The following CORO1B variants were observed in gnomAD, a reference collection of about 807,000 sequenced individuals.
CORO1B encodes the protein coronin-1B.
In CORO1B, 30 loss-of-function variants were observed where a neutral mutation model predicts 51.1. That is an observed-to-expected ratio of 0.59 (90% CI 0.44 to 0.80). The LOEUF is 0.80. CORO1B is among the 30% of genes least tolerant of loss of function. The probability of loss-of-function intolerance (pLI) is 0.00; values close to 1 mark genes in which losing one functional copy is unlikely to be tolerated. For synonymous variants in CORO1B, 310 were observed against 289.7 expected (o/e 1.07, Z -0.71); for missense variants, 648 against 700.4 (o/e 0.93, Z 0.84).
rs1417234884 is a variant in CORO1B, at chr11:67,435,564, G to T, written c.*2812C>A. The T allele has an allele frequency of 3.9e-6, 4 of 1,016,896 alleles. No homozygotes were observed. Among genetic ancestry groups the T allele is most frequent in the African/African-American group, 1.6e-5 (1 of 61,972 alleles). The allele number at this position is 1,016,896 out of a possible 1,614,324, so 63.0% of individuals were successfully genotyped here. On this transcript the variant is annotated 3_prime_UTR_variant, in exon 11 of 11. Coordinates refer to ENST00000341356, the MANE Select transcript of CORO1B (RefSeq NM_020441.3). ...GTTGCCTGATGCCTGTGGTTGGGGG[G>T]GGCCGTTCCCGTGGTGAGCGGGGTA...
chr11:67,437,626 G>C lies in CORO1B; in HGVS notation c.*750C>G. On this transcript the variant is annotated 3_prime_UTR_variant, in exon 11 of 11. Transcript: ENST00000341356. ...GGGCTCCGAGGCTTACCATTGGTCC[G>C]CAGGCCCCTCCGTGCCGGGCACCCA... 2 of 1,364,990 alleles carry C rather than the reference G, an allele frequency of 1.5e-6. No homozygotes were observed. The highest frequency in any genetic ancestry group is 2.0e-4 in the Middle Eastern group (1 of 5,046). 84.6% of individuals were successfully genotyped at this position (1,364,990 alleles called of 1,614,324 possible). A position where few individuals can be genotyped will look rare whatever the true frequency, so the allele number is the denominator to read the frequency against.
chr11:67,440,638 C>T, intron 6 of CORO1B, 199 bp from the exon 7 acceptor site: 1 of 691,518 alleles, frequency 1.4e-6, no homozygotes, highest in East Asian at 2.7e-5. Context: ...CAGGGTCCCT[C>T]TTTTCCAGCC....
Position 67,439,890 on chromosome 11 carries a change from C to G in CORO1B, c.1008-47G>C, listed in dbSNP as rs557327122. On this transcript the variant is annotated intron_variant, in intron 8 of 10. Coordinates refer to ENST00000341356, the MANE Select transcript of CORO1B (RefSeq NM_020441.3). ...ACGGGTGGAACCCTCACCGCCCCCC[C>G]CACCCACCGCCAGCTCTCCTGGCAT... 5 of 1,527,958 alleles carry G rather than the reference C, an allele frequency of 3.3e-6. No individual in the cohort carries two copies. The African/African-American group carries it at 4.1e-5, about 13-fold the overall frequency. 94.7% of individuals were successfully genotyped at this position (1,527,958 alleles called of 1,614,324 possible).
chr11:67,436,276 C>A lies in CORO1B; in HGVS notation c.*2100G>T. On this transcript the variant is annotated 3_prime_UTR_variant, in exon 11 of 11. Transcript: ENST00000341356. ...TGACAGAGCTGGAGCCCACGCTGTC[C>A]TCCGCGCTGCCACCCGAGCCCAAGG... 6.5e-7 allele frequency: 1 copy of A among 1,539,376 alleles called. No individual in the cohort carries two copies. Among genetic ancestry groups the A allele is most frequent in the African/African-American group, 1.4e-5 (1 of 73,104 alleles).
Position 67,442,438 on chromosome 11 carries a change from G to T in CORO1B, c.191C>A (p.Pro64His), listed in dbSNP as rs774643608. 1 of 1,613,194 alleles carries T rather than the reference G, an allele frequency of 6.2e-7. No homozygotes were observed. ...ASGGGAFLVL[P>H]LSKTGRIDKA... ...CCTGACAGGACCCACCTTGCTTAGG[G>T]GGAGCACCAGAAAGGCACCCCCTCC... The change falls in exon 2 of 11, where the codon CCC becomes CAC. Residue 64 changes from proline to histidine, a missense_variant. Transcript: ENST00000341356.
At position 67,441,987 on chromosome 11, in the gene CORO1B, G is replaced by A; in HGVS notation, c.303C>T (p.Gly101=). 1 of 1,613,252 alleles carries A rather than the reference G, an allele frequency of 6.2e-7. No individual in the cohort carries two copies. Among genetic ancestry groups the A allele is most frequent in the Non-Finnish European group, 8.5e-7 (1 of 1,180,010 alleles). ...CPHNDEVIAS[G]SEDCTVMVWQ... ...TCACCATGACCGTGCAGTCCTCCGA[G>A]CCGCTGGCTATGACTTCGTCGTTGT... The change falls in exon 3 of 11, where the codon GGC becomes GGT. Residue 101 remains glycine (G), a synonymous_variant. Transcript: ENST00000341356.
chr11:67,439,926 C>T, intron 8 of CORO1B, 83 bp from the exon 9 acceptor site: 4 of 1,466,356 alleles, frequency 2.7e-6, no homozygotes, highest in Non-Finnish European at 3.7e-6. Flanking sequence ...CCTCCACTTC[C>T]AGTCCTCACC....
In CORO1B at chr11:67,438,892, C is replaced by T. The variant is rs367615260; in HGVS notation, c.1123G>A (p.Glu375Lys). The change falls in exon 10 of 11, where the codon GAG (glutamate) becomes AAG (lysine). Residue 375 changes from glutamate (E) to lysine (K), a missense_variant. Physicochemically the swap from Glu to Lys is moderately conservative, Grantham distance 56. Coordinates refer to ENST00000341356, the MANE Select transcript of CORO1B (RefSeq NM_020441.3). ...PDTAGPEAAL[E>K]AEEWVSGRDA... ...CGCCCGCTCACCCACTCCTCAGCCT[C>T]CAGGGCTGCCTCGGGCCCGGCTGTG... 1.9e-6 allele frequency: 3 copies of T among 1,609,216 alleles called. No individual in the cohort carries two copies. The highest frequency in any genetic ancestry group is 2.5e-6 in the Non-Finnish European group (3 of 1,179,042).
At position 67,438,754 on chromosome 11, in the gene CORO1B, G is replaced by A; in HGVS notation, c.1261C>T (p.Pro421Ser). 1 of 1,563,482 alleles carries A rather than the reference G, an allele frequency of 6.4e-7. No individual in the cohort carries two copies. The highest frequency in any genetic ancestry group is 8.6e-7 in the Non-Finnish European group (1 of 1,157,942). ...VLSDSRPAMA[P>S]GSSHLGAPAS... ...GGGGCCCCTAGGTGGGAGGAGCCCGGGGCCATGGCGGGCCGGCTGTCAGAC... is the reference window on the plus strand; with the variant it reads ...GGGGCCCCTAGGTGGGAGGAGCCCGAGGCCATGGCGGGCCGGCTGTCAGAC... Residue 421 changes from proline to serine, a missense_variant, in exon 10 of 11, where the codon CCG becomes TCG. Physicochemically the swap from Pro to Ser is moderately conservative, Grantham distance 74. Coordinates refer to ENST00000341356, the MANE Select transcript of CORO1B (RefSeq NM_020441.3).
chr11:67,442,139 G>A, intron 2 of CORO1B, 51 bp from the exon 3 acceptor site: 1 of 1,591,776 alleles, frequency 6.3e-7, no homozygotes, highest in East Asian at 2.3e-5. Context: ...CGAAGCCTTG[G>A]TCTTCCCCTC....
In CORO1B at chr11:67,441,539, G is replaced by A. The variant is rs752146035; in HGVS notation, c.455-25C>T. ...CCTGGCAGGTGAGGGTTGTCAGCTC[G>A]GGCCGGGTGGGTGGCAGGAGGCCAT... On this transcript the variant is annotated intron_variant, in intron 4 of 10. Coordinates refer to ENST00000341356, the MANE Select transcript of CORO1B (RefSeq NM_020441.3). 52 of 1,602,786 alleles carry A rather than the reference G, an allele frequency of 3.2e-5. 1 individual carries two copies. The Middle Eastern group carries it at 6.6e-4, about 20-fold the overall frequency.
chr11:67,438,717 G>C lies in CORO1B; in HGVS notation c.1298C>G (p.Thr433Ser). Residue 433 changes from threonine to serine, a missense_variant, in exon 10 of 11, where the codon ACC becomes AGC. By Grantham distance (58) the Thr-to-Ser change is moderately conservative. Transcript: ENST00000341356. ...GCTGGGGGTGGCATCAGCAGCAGTGGTGGTGGAGGCGGGGGCCCCTAGGTG... is the reference window on the plus strand; with the variant it reads ...GCTGGGGGTGGCATCAGCAGCAGTGCTGGTGGAGGCGGGGGCCCCTAGGTG... ...SSHLGAPAST[T>S]TAADATPSGS... is the part of the protein sequence containing the mutation. 6.4e-7 allele frequency: 1 copy of C among 1,558,788 alleles called. No homozygotes were observed. Among genetic ancestry groups the C allele is most frequent in the South Asian group, 1.2e-5 (1 of 86,102 alleles).
upstream of CORO1B, chr11:67,443,717 G>A: frequency 2.0e-6 from 2 of 984,776 alleles, no homozygotes; most frequent in Non-Finnish European, 2.4e-6. Flanking sequence ...GACGGCGGCC[G>A]CCGCAGAGGC....
intron 9 of CORO1B, 80 bp downstream of exon 9, chr11:67,439,704 TCA>T: frequency 7.2e-7 from 1 of 1,380,180 alleles, no homozygotes; most frequent in Non-Finnish European, 1.0e-6. Flanking sequence ...CATGTTCCAT[TCA>T]CAGGCCTCGC....
intron 4 of CORO1B, 87 bp downstream of exon 4, chr11:67,441,646 A>G (rs1223282503): frequency 1.5e-6 from 2 of 1,343,284 alleles, no homozygotes; most frequent in Non-Finnish European, 2.0e-6. Context: ...CAGCTTTCCC[A>G]TTTGTCATGT....
At position 67,437,786 on chromosome 11, in the gene CORO1B, C is replaced by A; in HGVS notation, c.*590G>T. 1.6e-6 allele frequency: 1 copy of A among 629,924 alleles called. No homozygotes were observed. The highest frequency in any genetic ancestry group is 7.5e-5 in the South Asian group (1 of 13,400). The allele number at this position is 629,924 out of a possible 1,614,324, so 39.0% of individuals were successfully genotyped here. A position where few individuals can be genotyped will look rare whatever the true frequency, so the allele number is the denominator to read the frequency against. On this transcript the variant is annotated 3_prime_UTR_variant, in exon 11 of 11. Coordinates refer to ENST00000341356, the MANE Select transcript of CORO1B (RefSeq NM_020441.3). ...TGCAGGACCCCTGGTCCACACCAGACCCTCCCCAGTCTCTCTGGAGGAGGC... is the reference window on the plus strand; with the variant it reads ...TGCAGGACCCCTGGTCCACACCAGAACCTCCCCAGTCTCTCTGGAGGAGGC...
Position 67,435,583 on chromosome 11 carries a change from CG to C in CORO1B, c.*2792del, listed in dbSNP as rs1864248445. 16 of 1,212,300 alleles carry C rather than the reference CG, an allele frequency of 1.3e-5. No homozygotes were observed. Among genetic ancestry groups the C allele is most frequent in the Non-Finnish European group, 1.7e-5 (15 of 893,850 alleles). The allele number at this position is 1,212,300 out of a possible 1,614,324, so 75.1% of individuals were successfully genotyped here. A position where few individuals can be genotyped will look rare whatever the true frequency, so the allele number is the denominator to read the frequency against. On this transcript the variant is annotated 3_prime_UTR_variant, in exon 11 of 11. Transcript: ENST00000341356. The stretch of plus-strand genomic sequence containing the variant: ...TGGGGGGGGCCGTTCCCGTGGTGAG[CG>C]GGGTACACATGGACTTGGGAACTGG...
chr11:67,436,243 G>A lies in CORO1B; in HGVS notation c.*2133C>T, dbSNP rs1482128539. The A allele has an allele frequency of 3.9e-6, 6 of 1,545,114 alleles. No individual in the cohort carries two copies. The Admixed American group carries it at 1.2e-4, about 30-fold the overall frequency. ...GCAGTAGGAGCAGCAGCAGCAGCAGGACAACGGTGACAGAGCTGGAGCCCA... is the reference window on the plus strand; with the variant it reads ...GCAGTAGGAGCAGCAGCAGCAGCAGAACAACGGTGACAGAGCTGGAGCCCA... On this transcript the variant is annotated 3_prime_UTR_variant, in exon 11 of 11. Coordinates refer to ENST00000341356, the MANE Select transcript of CORO1B (RefSeq NM_020441.3).
Position 67,440,439 on chromosome 11 carries a change from C to T in CORO1B, c.757G>A (p.Glu253Lys), listed in dbSNP as rs1294435041. The change falls in exon 7 of 11, where the codon GAA (glutamate) becomes AAA (lysine). Residue 253 changes from glutamate to lysine, a missense_variant and splice_region_variant. Physicochemically the swap from Glu to Lys is moderately conservative, Grantham distance 56 (BLOSUM62 1). Coordinates refer to ENST00000341356, the MANE Select transcript of CORO1B (RefSeq NM_020441.3). ...AGGGCCATGGGTTCCTCGAGGTTTT[C>T]CTGGCACATTGCAGGCAGTCAGGCC... ...SERQLALWDP[E>K]NLEEPMALQE... 1 of 1,613,586 alleles carries T rather than the reference C, an allele frequency of 6.2e-7. No homozygotes were observed. Among genetic ancestry groups the T allele is most frequent in the Non-Finnish European group, 8.5e-7 (1 of 1,179,932 alleles).
Sources: allele counts gnomAD v4.1 joint callset, GRCh38; gene constraint gnomAD v4.1.1; transcripts MANE v1.5; gene names NCBI Gene and HGNC (gene_info 2026-07-23, HGNC 2026-07-21).